The following USP47 variants were observed in gnomAD, a reference collection of about 807,000 sequenced individuals.
USP47 encodes ubiquitin specific peptidase 47.
In USP47, 35 loss-of-function variants were observed where a neutral mutation model predicts 165.1. The ratio of observed to expected loss-of-function variants is 0.21; its 90% CI spans 0.16 to 0.28. USP47 has a LOEUF of 0.28. Ranked by LOEUF, USP47 falls within the 10% of genes least tolerant of loss-of-function variation. USP47 has a pLI of 1.00. For synonymous variants in USP47, 531 were observed against 544.5 expected (o/e 0.98, Z 0.35); for missense variants, 1,277 against 1,607.4 (o/e 0.79, Z 3.52).
intron 1 of USP47, among the ~76,000 whole-genome samples, chr11:11,875,070 TGTGTGTG>T (rs1222954803): frequency 0.039 from 5,927 of 151,002 alleles, 180 homozygotes; most frequent in African/African-American, 0.072. Context: ...TGTGTGTGTG[TGTGTGTG>T]TGTGTTTAAA....
chr11:11,871,534 A>G (rs940370848), intron 1 of USP47, among the ~76,000 whole-genome samples: 3 of 102,656 alleles, frequency 2.9e-5, no homozygotes, highest in African/African-American at 9.8e-5. Flanking sequence ...AAAAAAAAAA[A>G]AAAAGAATTC....
intron 8 of USP47, among the ~76,000 whole-genome samples, chr11:11,907,524 CTCT>C (rs1194094560): frequency 3.3e-5 from 5 of 152,150 alleles, no homozygotes; most frequent in Non-Finnish European, 5.9e-5. Context: ...TATAACCTAA[CTCT>C]TCTTAGTCCA....
rs1040680351 is a variant in USP47, at chr11:11,873,857, C to T, written c.40-6320C>T. The T allele has an allele frequency of 2.7e-6, 4 of 1,483,336 alleles. No homozygotes were observed. In the African/African-American group the frequency reaches 4.2e-5, roughly 16 times the overall value. The allele number at this position is 1,483,336 out of a possible 1,614,324, so 91.9% of individuals were successfully genotyped here. ...TGATGAAATGAAGAAGAAATTTTTACAGGTAGACTGCTGATGTAATTGCTT... is the reference window on the plus strand; with the variant it reads ...TGATGAAATGAAGAAGAAATTTTTATAGGTAGACTGCTGATGTAATTGCTT... On this transcript the variant is annotated intron_variant, in intron 1 of 27. Coordinates refer to ENST00000527733, the MANE Select transcript of USP47 (RefSeq NM_001282659.2).
In USP47 at chr11:11,957,733, T is replaced by C. The variant is rs1407637681; in HGVS notation, c.*1558T>C. The C allele has an allele frequency of 6.6e-6, 1 of 152,266 alleles. No individual in the cohort carries two copies. Among genetic ancestry groups the C allele is most frequent in the Non-Finnish European group, 1.5e-5 (1 of 68,024 alleles). The allele number at this position is 152,266 out of a possible 1,614,324, so 9.4% of individuals were successfully genotyped here. On this transcript the variant is annotated 3_prime_UTR_variant, in exon 28 of 28. Coordinates refer to ENST00000527733, the MANE Select transcript of USP47 (RefSeq NM_001282659.2). Reference sequence around the variant, plus strand: ...AGTATTTCAGATCCGATTTTTACCCTTTTTTTCTTATAAGAAAGATAAAAT... The same window carrying C: ...AGTATTTCAGATCCGATTTTTACCCCTTTTTTCTTATAAGAAAGATAAAAT...
chr11:11,894,509 T>C (rs1395463783), intron 4 of USP47, among the ~76,000 whole-genome samples: 1 of 152,188 alleles, frequency 6.6e-6, no homozygotes, highest in Non-Finnish European at 1.5e-5. Context: ...AATGCTGATA[T>C]AGCTGCTCTG....
Position 11,902,825 on chromosome 11 carries a change from A to C in USP47, c.704A>C (p.Asp235Ala). The C allele has an allele frequency of 6.2e-7, 1 of 1,601,526 alleles. No individual in the cohort carries two copies. Among genetic ancestry groups the C allele is most frequent in the Non-Finnish European group, 8.5e-7 (1 of 1,173,528 alleles). ...TSKKRAIETT[D>A]VTRSFGWDSS... ...AAAAAGAGAGCAATTGAAACCACAG[A>C]TGTTACAAGGAGCTTTGGATGGGAT... is the stretch of plus-strand genomic sequence containing the variant. Residue 235 changes from aspartate to alanine, a missense_variant, in exon 6 of 28, where the codon GAT becomes GCT. Around this residue, in one of 4 missense-constraint regions of USP47, gnomAD observed 175 missense variants for 295.8 expected, o/e 0.59. Coordinates refer to ENST00000527733, the MANE Select transcript of USP47 (RefSeq NM_001282659.2).
At chr11:11,859,268 A>G (rs1446421761) in intron 1 of USP47, among the ~76,000 whole-genome samples, 1 of 152,204 alleles carries the variant, frequency 6.6e-6, no homozygotes, top group African/African-American at 2.4e-5. Context: ...TGTGATTTAT[A>G]TAGGGAAAAC....
intron 25 of USP47, among the ~76,000 whole-genome samples, chr11:11,953,348 T>C (rs1264447560): frequency 6.6e-6 from 1 of 152,194 alleles, no homozygotes; most frequent in South Asian, 2.1e-4. Context: ...GAAAAAGATT[T>C]ATTTCCATAC....
chr11:11,898,531 G>C (rs2134422598), intron 5 of USP47, among the ~76,000 whole-genome samples: 1 of 152,068 alleles, frequency 6.6e-6, no homozygotes, highest in African/African-American at 2.4e-5. Context: ...TGATGTATTT[G>C]TCATTCTGTA....
At chr11:11,889,458 A>G (rs1851373587) in intron 3 of USP47, among the ~76,000 whole-genome samples, 2 of 152,192 alleles carry the variant, frequency 1.3e-5, no homozygotes. Context: ...ACTCCCATTC[A>G]CAATTGCTAC....
chr11:11,893,600 CTTT>C (rs750997065), intron 4 of USP47, among the ~76,000 whole-genome samples: 19 of 152,226 alleles, frequency 1.2e-4, no homozygotes, highest in Non-Finnish European at 2.8e-4. Context: ...CAATGCCTGT[CTTT>C]TAAATTTTTG....
intron 1 of USP47, among the ~76,000 whole-genome samples, chr11:11,873,486 A>G (rs1850203583): frequency 6.6e-6 from 1 of 152,128 alleles, no homozygotes; most frequent in Non-Finnish European, 1.5e-5. Flanking sequence ...TTTAGTGCAG[A>G]GAACTGCAGA....
At chr11:11,912,152 C>T (rs1853043137) in intron 8 of USP47, among the ~76,000 whole-genome samples, 1 of 150,690 alleles carries the variant, frequency 6.6e-6, no homozygotes. Flanking sequence ...TCTAAGCTTC[C>T]ACCTAACCTG....
chr11:11,868,870 A>G (rs1251400481), intron 1 of USP47, among the ~76,000 whole-genome samples: 1 of 151,936 alleles, frequency 6.6e-6, no homozygotes, highest in African/African-American at 2.4e-5. Context: ...CATTTATCTA[A>G]TGGTTAGTAT....
chr11:11,889,468 C>T (rs932383452), intron 3 of USP47, among the ~76,000 whole-genome samples: 12 of 151,892 alleles, frequency 7.9e-5, no homozygotes, highest in Non-Finnish European at 1.6e-4. Context: ...ACAATTGCTA[C>T]AGAAAGAAAA....
rs1320729920 is a variant in USP47 at position 11,873,966 on chromosome 11, T to C, written c.40-6211T>C. On this transcript the variant is annotated intron_variant, in intron 1 of 27. Coordinates refer to ENST00000527733, the MANE Select transcript of USP47 (RefSeq NM_001282659.2). ...GCATGTCTTAAGTTTTATGCTTGTTTGGCTATTTTATTTCTACCCAATTTT... is the reference window on the plus strand; with the variant it reads ...GCATGTCTTAAGTTTTATGCTTGTTCGGCTATTTTATTTCTACCCAATTTT... 23 of 583,946 alleles carry C rather than the reference T, an allele frequency of 3.9e-5. No homozygotes were observed. The Admixed American group carries it at 9.6e-4, about 24-fold the overall frequency. 36.2% of individuals were successfully genotyped at this position (583,946 alleles called of 1,614,324 possible). A position where few individuals can be genotyped will look rare whatever the true frequency, so the allele number is the denominator to read the frequency against.
At chr11:11,888,890 G>A (rs1184896298) in intron 3 of USP47, among the ~76,000 whole-genome samples, 1 of 152,166 alleles carries the variant, frequency 6.6e-6, no homozygotes, top group Non-Finnish European at 1.5e-5. Context: ...TGCAAGGTTT[G>A]TTCAACATAT....
chr11:11,844,570 T>C (rs1414124762), intron 1 of USP47, among the ~76,000 whole-genome samples: 1 of 152,188 alleles, frequency 6.6e-6, no homozygotes, highest in African/African-American at 2.4e-5. Context: ...TACTATTCCC[T>C]TGATTATACC....
chr11:11,932,893 C>T (rs1021746954), intron 14 of USP47, 111 bp from the exon 15 acceptor site: 5 of 752,318 alleles, frequency 6.6e-6, no homozygotes, highest in African/African-American at 1.8e-5. Flanking sequence ...GGAGATATAT[C>T]TCCATGAGTG....
Sources: allele counts gnomAD v4.1 joint callset (sites outside exome capture counted in the v4.1 genomes callset), GRCh38; gene constraint gnomAD v4.1.1; regional missense constraint gnomAD v4.1.1; transcripts MANE v1.5; gene names NCBI Gene and HGNC (gene_info 2026-07-23, HGNC 2026-07-21).